Variants in KLHL12 observed in about 807,000 individuals in gnomAD.
KLHL12 encodes kelch-like protein 12.
Under a neutral mutation model 60.8 loss-of-function variants are expected in KLHL12, and 17 were observed. That is an observed-to-expected ratio of 0.28 (90% CI 0.19 to 0.42). KLHL12 has a LOEUF of 0.42. Ranked by LOEUF, KLHL12 falls within the 10% of genes least tolerant of loss-of-function variation. KLHL12 has a pLI of 1.00. For synonymous variants in KLHL12, 220 were observed against 250.9 expected (o/e 0.88, Z 1.16); for missense variants, 468 against 722.3 (o/e 0.65, Z 4.04).
chr1:202,905,719 T>A (rs540163202), intron 6 of KLHL12, among the ~76,000 whole-genome samples: 2 of 152,308 alleles, frequency 1.3e-5, no homozygotes, highest in South Asian at 4.1e-4. Context: ...AATGCTTCAA[T>A]GAGCATTTCC....
chr1:202,900,392 T>A lies in KLHL12; in HGVS notation c.833-3432A>T, dbSNP rs994668357. Among the ~76,000 whole-genome samples the A allele has an allele frequency of 5.4e-5, 8 of 149,150 alleles. No homozygotes were observed. The South Asian group carries it at 1.1e-3, about 20-fold the overall frequency. On this transcript the variant is annotated intron_variant, in intron 6 of 11. Coordinates refer to ENST00000367261, the MANE Select transcript of KLHL12 (RefSeq NM_021633.4). ...GACTCCCATATCTAGAAAAAAATAA[T>A]AAAAAAAAATAGCCAGGTGTGATGG... is the stretch of plus-strand genomic sequence containing the variant.
chr1:202,905,354 G>A (rs1660150508), intron 6 of KLHL12, among the ~76,000 whole-genome samples: 1 of 152,148 alleles, frequency 6.6e-6, no homozygotes, highest in Non-Finnish European at 1.5e-5. Flanking sequence ...GTGCTATCAT[G>A]CAAAAAGGAA....
intron 1 of KLHL12, 110 bp downstream of exon 1, chr1:202,926,979 T>C (rs1436977504): frequency 4.9e-6 from 4 of 823,512 alleles, no homozygotes; most frequent in Non-Finnish European, 5.9e-6. Context: ...CTGTTGGGCA[T>C]GTCTCCCATT....
intron 3 of KLHL12, among the ~76,000 whole-genome samples, chr1:202,918,596 C>A (rs769453171): frequency 6.6e-6 from 1 of 152,184 alleles, no homozygotes; most frequent in Non-Finnish European, 1.5e-5. Flanking sequence ...ACCTTTACAC[C>A]TGTCTCTGCT....
At chr1:202,892,952 G>A (rs1419070032) in intron 11 of KLHL12, among the ~76,000 whole-genome samples, 1 of 152,140 alleles carries the variant, frequency 6.6e-6, no homozygotes, top group Non-Finnish European at 1.5e-5. Flanking sequence ...TGAGGTGGAA[G>A]GATTGCTTGA....
At position 202,912,483 on chromosome 1, in the gene KLHL12, G is replaced by A. The variant is rs2102438560; in HGVS notation, c.568-1280C>T. 5.5e-6 allele frequency: 5 copies of A among 916,306 alleles called. No homozygotes were observed. The East Asian group carries it at 7.2e-5, about 13-fold the overall frequency. 56.8% of individuals were successfully genotyped at this position (916,306 alleles called of 1,614,324 possible). ...CGTGGTGGTGGTGGTGGATATGGTG[G>A]CAGTGAGGATGGCGATAATGGATTT... On this transcript the variant is annotated intron_variant, in intron 4 of 11. Transcript: ENST00000367261.
chr1:202,908,912 G>A, intron 6 of KLHL12, 98 bp downstream of exon 6: 1 of 741,326 alleles, frequency 1.3e-6, no homozygotes, highest in Non-Finnish European at 2.4e-6. Flanking sequence ...CTGAAACGAG[G>A]TGTCTGTACT....
At chr1:202,908,228 A>G (rs1346116045) in intron 6 of KLHL12, among the ~76,000 whole-genome samples, 1 of 152,136 alleles carries the variant, frequency 6.6e-6, no homozygotes, top group Non-Finnish European at 1.5e-5. Context: ...TCCTCCCAAC[A>G]CTGAGATAAG....
At chr1:202,928,254 G>A (rs564418938), upstream of KLHL12, among the ~76,000 whole-genome samples, 2 of 129,576 alleles carry the variant, frequency 1.5e-5, no homozygotes, top group Admixed American at 9.3e-5. Flanking sequence ...CAGCCTGGGC[G>A]ACAGAGCAAG....
intron 4 of KLHL12, chr1:202,912,519 GAAGC>G (rs1488861845): frequency 1.0e-6 from 1 of 983,438 alleles, no homozygotes; most frequent in African/African-American, 1.6e-5. Context: ...GGTAATGATG[GAAGC>G]AATTTTGGAG....
At chr1:202,927,342 T>G, upstream of KLHL12, 1 of 888,564 alleles carries the variant, frequency 1.1e-6, no homozygotes, top group Non-Finnish European at 1.3e-6. Context: ...GACCTGTCTG[T>G]ACCCTAGCGC....
At chr1:202,916,808 A>G (rs1432903505) in intron 4 of KLHL12, among the ~76,000 whole-genome samples, 3 of 151,988 alleles carry the variant, frequency 2.0e-5, no homozygotes, top group African/African-American at 7.2e-5. Flanking sequence ...GCGAGACCCC[A>G]TCTCAACAAA....
At chr1:202,918,780 AAGG>A (rs1284686770) in intron 3 of KLHL12, among the ~76,000 whole-genome samples, 2 of 152,266 alleles carry the variant, frequency 1.3e-5, no homozygotes, top group African/African-American at 4.8e-5. Context: ...AGTGAAAGAA[AAGG>A]AGAAGATAGT....
intron 4 of KLHL12, 32 bp from the exon 5 acceptor site, chr1:202,911,235 T>C: frequency 6.2e-7 from 1 of 1,610,214 alleles, no homozygotes; most frequent in Non-Finnish European, 8.5e-7. Context: ...CCGTGGATCC[T>C]ACTTTTCCAA....
At chr1:202,894,812 C>T in intron 8 of KLHL12, 63 bp from the exon 9 acceptor site, 1 of 1,413,044 alleles carries the variant, frequency 7.1e-7, no homozygotes, top group Non-Finnish European at 9.9e-7. Flanking sequence ...ACTCTTTCCT[C>T]TACAAATTTT....
At chr1:202,916,759 G>A (rs1660533251) in intron 4 of KLHL12, among the ~76,000 whole-genome samples, 1 of 152,144 alleles carries the variant, frequency 6.6e-6, no homozygotes, top group Admixed American at 6.5e-5. Context: ...GCCTAGCATT[G>A]CTTGAGCCTA....
At chr1:202,920,245 C>T (rs1019117056) in intron 2 of KLHL12, among the ~76,000 whole-genome samples, 7 of 151,114 alleles carry the variant, frequency 4.6e-5, no homozygotes, top group Non-Finnish European at 1.0e-4. Flanking sequence ...ACCCAGGAGG[C>T]GAAGGTTGCA....
chr1:202,905,968 C>CTTTTTTTTTTTTTTTTTTTTT (rs71142574), intron 6 of KLHL12, among the ~76,000 whole-genome samples: 4 of 51,672 alleles, frequency 7.7e-5, no homozygotes, highest in Non-Finnish European at 1.4e-4. Context: ...CCACACCTGG[C>CTTTTTTTTTTTTTTTTTTTTT]TTTTTTTTTT....
At chr1:202,925,594 GTATT>G (rs1237975902) in intron 1 of KLHL12, among the ~76,000 whole-genome samples, 1 of 152,148 alleles carries the variant, frequency 6.6e-6, no homozygotes, top group Non-Finnish European at 1.5e-5. Flanking sequence ...AAGTAGATAA[GTATT>G]TAGAGCATAC....
Sources: gnomAD v4.1 joint callset for allele counts (sites outside exome capture counted in the v4.1 genomes callset) on GRCh38, gnomAD v4.1.1 for gene constraint, MANE v1.5 for transcripts, NCBI Gene and HGNC (gene_info 2026-07-23, HGNC 2026-07-21) for gene names.